HSPA9: variants seen among roughly 807,000 people sequenced by gnomAD.
HSPA9 encodes stress-70 protein, mitochondrial.
In HSPA9, 28 loss-of-function variants were observed where a neutral mutation model predicts 81.5. The observed-to-expected ratio is 0.34, with a 90% CI of 0.25 to 0.47. The LOEUF (loss-of-function observed/expected upper bound fraction) is 0.47, where lower values mean the gene tolerates loss of function less well. Ranked by LOEUF, HSPA9 falls within the 20% of genes least tolerant of loss-of-function variation. The pLI is 1.00. For synonymous variants in HSPA9, 293 were observed against 290.4 expected (o/e 1.01, Z -0.09); for missense variants, 678 against 838.0 (o/e 0.81, Z 2.36).
intron 8 of HSPA9, 78 bp from the exon 9 acceptor site, chr5:138,566,796 A>G (rs1435962701): frequency 4.9e-6 from 6 of 1,224,528 alleles, no homozygotes; most frequent in Non-Finnish European, 7.3e-6. Flanking sequence ...AGGTGGAACA[A>G]CACAAAATGG....
intron 1 of HSPA9, 68 bp downstream of exon 1, chr5:138,575,170 G>T: frequency 8.9e-7 from 1 of 1,124,934 alleles, no homozygotes; most frequent in Non-Finnish European, 1.3e-6. Context: ...CGCGCGGCCT[G>T]CCGCAGCGAA....
chr5:138,572,900 CTTT>C (rs539598546), intron 3 of HSPA9, among the ~76,000 whole-genome samples: 2 of 145,240 alleles, frequency 1.4e-5, no homozygotes, highest in Admixed American at 6.9e-5. Flanking sequence ...ATAGTCTCTT[CTTT>C]TTTTTTTTTT....
Position 138,553,774 on chromosome 5 carries a change from G to C in HSPA9, c.*2263C>G, listed in dbSNP as rs915151503. On this transcript the variant is annotated 3_prime_UTR_variant, in exon 17 of 17. Coordinates refer to ENST00000297185, the MANE Select transcript of HSPA9 (RefSeq NM_004134.7). ...TCATTTCTTTTTGCCTTTTGTGATA[G>C]TTAATTTTATGTGTCAGTTTAGCCA... Among the ~76,000 whole-genome samples the C allele has an allele frequency of 3.9e-5, 6 of 152,182 alleles. No individual in the cohort carries two copies. The highest frequency in any genetic ancestry group is 1.4e-4 in the African/African-American group (6 of 41,452).
chr5:138,568,955 A>G lies in HSPA9; in HGVS notation c.505T>C (p.Phe169Leu). The G allele has an allele frequency of 6.2e-7, 1 of 1,613,988 alleles. No homozygotes were observed. Among genetic ancestry groups the G allele is most frequent in the Non-Finnish European group, 8.5e-7 (1 of 1,179,914 alleles). ...GTCTCTTTCATCTTCATCAACACAA[A>G]TGCTCCAATCTGACTCGGAGAATAC... is the stretch of plus-strand genomic sequence containing the variant. ...KLYSPSQIGA[F>L]VLMKMKETAE... Residue 169 changes from phenylalanine (F) to leucine (L), a missense_variant, in exon 5 of 17, where the codon TTT becomes CTT. By Grantham distance (22) the Phe-to-Leu change is conservative (BLOSUM62 0). Coordinates refer to ENST00000297185, the MANE Select transcript of HSPA9 (RefSeq NM_004134.7).
rs1750863423 is a variant in HSPA9 at position 138,570,694 on chromosome 5, AG to A, written c.410+265del. 1.4e-4 allele frequency: 57 copies of A among 407,672 alleles called. 4 individuals are homozygous for A. The highest frequency in any genetic ancestry group is 1.2e-3 in the South Asian group (57 of 46,936). The allele number at this position is 407,672 out of a possible 1,614,324, so 25.3% of individuals were successfully genotyped here. On this transcript the variant is annotated intron_variant, in intron 4 of 16. Coordinates refer to ENST00000297185, the MANE Select transcript of HSPA9 (RefSeq NM_004134.7). ...GAGACAGGGTTTCACCATGTTGGCC[AG>A]GCTGGTCTTGAACTCCTGACTTCAG...
intron 13 of HSPA9, 151 bp from the exon 14 acceptor site, chr5:138,557,647 T>C: frequency 1.3e-6 from 1 of 740,978 alleles, no homozygotes; most frequent in Admixed American, 2.1e-5. Context: ...TAAAGCAAAA[T>C]GAAACCAAGG....
rs751391910 is a variant in HSPA9 at position 138,557,398 on chromosome 5, T to C, written c.1728+4A>G. On this transcript the variant is annotated splice_donor_region_variant and intron_variant, in intron 14 of 16. Coordinates refer to ENST00000297185, the MANE Select transcript of HSPA9 (RefSeq NM_004134.7). The stretch of plus-strand genomic sequence containing the variant: ...TTAAAGTTCAGAAGACAAGAAGTAA[T>C]CACCTTCTTTCGCCGGTCTTCTTCA... 1 of 1,578,152 alleles carries C rather than the reference T, an allele frequency of 6.3e-7. No individual in the cohort carries two copies. The highest frequency in any genetic ancestry group is 8.7e-7 in the Non-Finnish European group (1 of 1,148,180).
In HSPA9 at chr5:138,554,488, C is replaced by T. The variant is rs1365129876; in HGVS notation, c.*1549G>A. ...GGAAACCTGAGCCTAGAATTTTTCA[C>T]GAATCCCAAGAATCTTTTACATGGG... On this transcript the variant is annotated 3_prime_UTR_variant, in exon 17 of 17. Transcript: ENST00000297185. Among the ~76,000 whole-genome samples, 7 of 152,210 alleles carry T rather than the reference C, an allele frequency of 4.6e-5. No individual in the cohort carries two copies. Among genetic ancestry groups the T allele is most frequent in the Non-Finnish European group, 8.8e-5 (6 of 68,038 alleles).
chr5:138,559,139 A>G (rs1033598399), intron 11 of HSPA9: 2 of 204,470 alleles, frequency 9.8e-6, no homozygotes, highest in Non-Finnish European at 2.0e-5. Flanking sequence ...CTCACTTCAT[A>G]CTGTCGCCCA....
rs772570880 is a variant in HSPA9, at chr5:138,566,714, CCT to C, written c.882_883del (p.Val296Ter). The C allele has an allele frequency of 1.5e-4, 235 of 1,612,444 alleles. No homozygotes were observed. The highest frequency in any genetic ancestry group is 1.6e-4 in the Middle Eastern group (1 of 6,084). On this transcript the variant is annotated frameshift_variant and splice_region_variant, in exon 9 of 17. Coordinates refer to ENST00000297185, the MANE Select transcript of HSPA9 (RefSeq NM_004134.7). LOFTEE classifies it high-confidence loss of function. ...CATGTTGTCTTTAGTCAAATCAACC[CCT>C]GTCTATAAAGTGAAGACATTGAACA...
In HSPA9 at chr5:138,555,416, GACAC is replaced by G. The variant is rs987660306; in HGVS notation, c.*617_*620del. On this transcript the variant is annotated 3_prime_UTR_variant, in exon 17 of 17. Transcript: ENST00000297185. ...ACAATCATCAAGGATGTAGGTGCCA[GACAC>G]AGGGCAGAAGGTAGCTAGAAAAGTA... The G allele has an allele frequency of 3.3e-5, 5 of 152,716 alleles. No homozygotes were observed. Among genetic ancestry groups the G allele is most frequent in the African/African-American group, 1.2e-4 (5 of 41,430 alleles). 9.5% of individuals were successfully genotyped at this position (152,716 alleles called of 1,614,324 possible). A position where few individuals can be genotyped will look rare whatever the true frequency, so the allele number is the denominator to read the frequency against.
chr5:138,575,124 G>C, intron 1 of HSPA9, 114 bp downstream of exon 1: 1 of 722,382 alleles, frequency 1.4e-6, no homozygotes, highest in South Asian at 1.7e-5. Flanking sequence ...CTTCCTTCCC[G>C]CCTGACCTAT....
Position 138,575,357 on chromosome 5 carries a change from C to T in HSPA9, c.-39G>A, listed in dbSNP as rs758162046. On this transcript the variant is annotated 5_prime_UTR_variant, in exon 1 of 17. Transcript: ENST00000297185. The stretch of plus-strand genomic sequence containing the variant: ...AGGAGTACGAGGCAGCAAACAAGCG[C>T]TCCGACGGCAAAGAGCTGCGCGATG... 9.7e-6 allele frequency: 15 copies of T among 1,539,204 alleles called. No homozygotes were observed. The Middle Eastern group carries it at 6.8e-4, about 69-fold the overall frequency.
Position 138,567,629 on chromosome 5 carries a change from A to G in HSPA9, c.609+20T>C. ...CCAGGCACCTTACTTTTTGTGAATA[A>G]GAATGCTAATTGACCTCACCTGTCT... On this transcript the variant is annotated intron_variant, in intron 6 of 16. Transcript: ENST00000297185. 6.2e-7 allele frequency: 1 copy of G among 1,612,442 alleles called. No individual in the cohort carries two copies. The highest frequency in any genetic ancestry group is 8.5e-7 in the Non-Finnish European group (1 of 1,178,522).
chr5:138,565,035 G>A (rs1032485261), intron 9 of HSPA9, among the ~76,000 whole-genome samples: 1 of 152,048 alleles, frequency 6.6e-6, no homozygotes, highest in African/African-American at 2.4e-5. Context: ...GGTAATAAAC[G>A]CTAAGAATTT....
At chr5:138,560,136 T>C (rs1410061717) in intron 10 of HSPA9, 45 bp from the exon 11 acceptor site, 7 of 1,439,856 alleles carry the variant, frequency 4.9e-6, no homozygotes, top group Non-Finnish European at 6.8e-6. Flanking sequence ...ACTTGGGAAC[T>C]ACCTGAGCAG....
At chr5:138,559,682 G>T (rs528595979) in intron 11 of HSPA9, 182 bp downstream of exon 11, 472 of 605,324 alleles carry the variant, frequency 7.8e-4, no homozygotes, top group Non-Finnish European at 1.2e-3. Flanking sequence ...AACTTTTCTG[G>T]TAACAAAAAA....
chr5:138,566,513 A>C (rs1179160901), intron 9 of HSPA9, 113 bp downstream of exon 9: 4 of 827,638 alleles, frequency 4.8e-6, no homozygotes, highest in Non-Finnish European at 8.3e-6. Context: ...CTGAAAAAAC[A>C]AACAAACAAA....
At chr5:138,567,281 A>G in intron 7 of HSPA9, 118 bp from the exon 8 acceptor site, 1 of 1,023,912 alleles carries the variant, frequency 9.8e-7, no homozygotes, top group Admixed American at 2.1e-5. Context: ...TGAGATATGT[A>G]CTAGTTAAAT....
Sources: allele counts gnomAD v4.1 joint callset (sites outside exome capture counted in the v4.1 genomes callset), GRCh38; gene constraint gnomAD v4.1.1; transcripts MANE v1.5; gene names NCBI Gene and HGNC (gene_info 2026-07-23, HGNC 2026-07-21).